Variants in ITIH4 observed in about 807,000 individuals in gnomAD.
ITIH4 encodes the protein inter-alpha-trypsin inhibitor heavy chain 4.
In ITIH4, 79 loss-of-function variants were observed where a neutral mutation model predicts 111.8. The ratio of observed to expected loss-of-function variants is 0.71; its 90% CI spans 0.59 to 0.85. ITIH4 has a LOEUF of 0.85. Ranked by LOEUF, ITIH4 falls within the 40% of genes least tolerant of loss-of-function variation. The pLI is 0.00. For synonymous variants in ITIH4, 472 were observed against 468.3 expected (o/e 1.01, Z -0.10); for missense variants, 1,065 against 1,195.8 (o/e 0.89, Z 1.61).
chr3:52,817,260 G>T (rs971335398), intron 20 of ITIH4, among the ~76,000 whole-genome samples: 1 of 152,210 alleles, frequency 6.6e-6, no homozygotes, highest in African/African-American at 2.4e-5. Flanking sequence ...GGTGTCTAAG[G>T]CTTTGGAGGG....
At chr3:52,829,358 C>G (rs1268523352) in intron 1 of ITIH4, 79 bp from the exon 2 acceptor site, 5 of 1,467,044 alleles carry the variant, frequency 3.4e-6, no homozygotes, top group Non-Finnish European at 4.6e-6. Context: ...AGAGTTGGCC[C>G]TGACTCTGGC....
intron 12 of ITIH4, 86 bp downstream of exon 12, chr3:52,820,905 C>G: frequency 6.4e-7 from 1 of 1,553,672 alleles, no homozygotes; most frequent in South Asian, 1.2e-5. Context: ...ATGCCAAGAC[C>G]CCCCTCTCTC....
intron 20 of ITIH4, among the ~76,000 whole-genome samples, chr3:52,817,790 C>T (rs765037057): frequency 2.6e-5 from 4 of 152,266 alleles, no homozygotes; most frequent in Admixed American, 6.5e-5. Flanking sequence ...CCCACCCTGG[C>T]TCCTCCTCTA....
At chr3:52,815,686 ATCT>A (rs1276426724) in intron 21 of ITIH4, among the ~76,000 whole-genome samples, 1 of 149,072 alleles carries the variant, frequency 6.7e-6, no homozygotes, top group East Asian at 2.0e-4. Flanking sequence ...GGAATTTTAG[ATCT>A]TTTTTTTTTT....
At position 52,826,888 on chromosome 3, in the gene ITIH4, G is replaced by T. The variant is rs200155353; in HGVS notation, c.422C>A (p.Thr141Asn). ...SVSVAPNAKI[T>N]FELVYEELLK... ...CAGCTCCTCATAGACCAGCTCAAAG[G>T]TGATCTTGGCATTGGGAGCCACACT... Residue 141 changes from threonine (T) to asparagine (N), a missense_variant, in exon 4 of 24, where the codon ACC (threonine) becomes AAC (asparagine). By Grantham distance (65) the Thr-to-Asn change is moderately conservative (BLOSUM62 0). Coordinates refer to ENST00000266041, the MANE Select transcript of ITIH4 (RefSeq NM_002218.5). The T allele has an allele frequency of 1.1e-4, 184 of 1,613,996 alleles. No homozygotes were observed. Among genetic ancestry groups the T allele is most frequent in the Non-Finnish European group, 2.3e-5 (27 of 1,180,042 alleles).
chr3:52,824,137 C>G lies in ITIH4; in HGVS notation c.1171+53G>C, dbSNP rs567583444. On this transcript the variant is annotated intron_variant, in intron 9 of 23. Coordinates refer to ENST00000266041, the MANE Select transcript of ITIH4 (RefSeq NM_002218.5). The surrounding 1 kb of genome is among the most constrained non-coding windows in gnomAD (Gnocchi z 4.3). Reference sequence around the variant, plus strand: ...ATCCCACAGCAAGCCCAGGTGCAGCCCCAGCCGCCTCCCCTGTGCAGCACG... The same window carrying G: ...ATCCCACAGCAAGCCCAGGTGCAGCGCCAGCCGCCTCCCCTGTGCAGCACG... The G allele has an allele frequency of 4.2e-5, 67 of 1,598,586 alleles. 1 individual carries two copies. In the South Asian group the frequency reaches 5.4e-4, roughly 13 times the overall value.
chr3:52,825,212 G>A (rs1345319361), intron 6 of ITIH4: 2 of 300,360 alleles, frequency 6.7e-6, no homozygotes, highest in South Asian at 2.5e-4. Context: ...TAGTATTTCA[G>A]ATGGTTTATA....
intron 20 of ITIH4, among the ~76,000 whole-genome samples, 160 bp downstream of exon 20, chr3:52,817,892 G>A (rs2154111233): frequency 6.6e-6 from 1 of 152,372 alleles, no homozygotes. Context: ...CGGGGTGTCT[G>A]TGTGAGTGTG....
At chr3:52,819,618 CTAT>C (rs1700340919) in intron 16 of ITIH4, 100 bp from the exon 17 acceptor site, 1 of 1,574,736 alleles carries the variant, frequency 6.4e-7, no homozygotes, top group Non-Finnish European at 8.7e-7. Context: ...GAGAGGGCAG[CTAT>C]GTCCCCTCTC....
Position 52,825,948 on chromosome 3 carries a change from G to A in ITIH4, c.697C>T (p.Leu233=), listed in dbSNP as rs1700473803. The change falls in exon 6 of 24, where the codon CTG becomes TTG. Residue 233 remains leucine (L), a synonymous_variant. Coordinates refer to ENST00000266041, the MANE Select transcript of ITIH4 (RefSeq NM_002218.5). ...QKSPEQQETV[L]DGNLIIRYDV... is the part of the protein sequence containing the mutation. Reference sequence around the variant, plus strand: ...TAGCGGATAATGAGGTTGCCGTCCAGGACTGTTTCTTGCTGCTCTGGGGAC... The same window carrying A: ...TAGCGGATAATGAGGTTGCCGTCCAAGACTGTTTCTTGCTGCTCTGGGGAC... The A allele has an allele frequency of 6.2e-7, 1 of 1,614,042 alleles. No individual in the cohort carries two copies. The highest frequency in any genetic ancestry group is 1.1e-5 in the South Asian group (1 of 91,088).
rs550957480 is a variant in ITIH4, at chr3:52,813,106, G to A, written c.*315C>T. 4.4e-4 allele frequency: 126 copies of A among 285,094 alleles called. No homozygotes were observed. The highest frequency in any genetic ancestry group is 2.6e-3 in the African/African-American group (117 of 45,482). 17.7% of individuals were successfully genotyped at this position (285,094 alleles called of 1,614,324 possible). On this transcript the variant is annotated 3_prime_UTR_variant, in exon 24 of 24. Coordinates refer to ENST00000266041, the MANE Select transcript of ITIH4 (RefSeq NM_002218.5). The stretch of plus-strand genomic sequence containing the variant: ...CAGTGACATCTCAAATGGGTGGTTC[G>A]AGCTCAGTTTCCTTGTTTGTAAAAT...
In ITIH4 at chr3:52,814,367, T is replaced by C; in HGVS notation, c.2472-4A>G. On this transcript the variant is annotated splice_region_variant and splice_polypyrimidine_tract_variant and intron_variant, in intron 21 of 23. Transcript: ENST00000266041. ...CTTGTCCATGGTCATCTTCAGGCTG[T>C]GGAAAGACCCAGTGTCTTGAGCAGG... is the stretch of plus-strand genomic sequence containing the variant. The C allele has an allele frequency of 6.2e-7, 1 of 1,613,676 alleles. No individual in the cohort carries two copies. The highest frequency in any genetic ancestry group is 8.5e-7 in the Non-Finnish European group (1 of 1,179,756).
Position 52,824,613 on chromosome 3 carries a change from G to A in ITIH4, c.877-48C>T. 6.4e-7 allele frequency: 1 copy of A among 1,568,158 alleles called. No individual in the cohort carries two copies. Among genetic ancestry groups the A allele is most frequent in the South Asian group, 1.1e-5 (1 of 87,024 alleles). On this transcript the variant is annotated intron_variant, in intron 7 of 23. Transcript: ENST00000266041. This position sits in a 1 kb window ranked among gnomAD's most constrained non-coding sequence, Gnocchi z 4.3. ...GGTGCTTCAGAAGGGCTCCCTGAGG[G>A]CTCGTGTGCCCTAGGGCTGGCATCC...
intron 20 of ITIH4, 117 bp from the exon 21 acceptor site, chr3:52,817,175 A>C (rs1484823935): frequency 3.9e-6 from 3 of 769,460 alleles, no homozygotes; most frequent in Non-Finnish European, 6.3e-6. Flanking sequence ...TCCCTCCCTC[A>C]TCAGGAGGGG....
At position 52,815,532 on chromosome 3, in the gene ITIH4, G is replaced by A. The variant is rs555283517; in HGVS notation, c.2472-1169C>T. ...GCTGGGATTACAGGCATGAGCCACCGTGCCCAACCTATTTTTCTTTATGTC... is the reference window on the plus strand; with the variant it reads ...GCTGGGATTACAGGCATGAGCCACCATGCCCAACCTATTTTTCTTTATGTC... On this transcript the variant is annotated intron_variant, in intron 21 of 23. Transcript: ENST00000266041. 6.4e-4 allele frequency among the ~76,000 whole-genome samples: 97 copies of A among 150,870 alleles called. 2 individuals carry two copies. In the South Asian group the frequency reaches 0.013, roughly 21 times the overall value.
intron 1 of ITIH4, chr3:52,830,130 G>A: frequency 2.9e-6 from 1 of 349,516 alleles, no homozygotes; most frequent in Admixed American, 4.0e-5. Context: ...AGATACAATG[G>A]GTTTGGTTTT....
In ITIH4 at chr3:52,829,615, G is replaced by A. The variant is rs572286191; in HGVS notation, c.91-336C>T. Among the ~76,000 whole-genome samples the A allele has an allele frequency of 5.3e-5, 8 of 152,342 alleles. No individual in the cohort carries two copies. In the East Asian group the frequency reaches 7.7e-4, roughly 15 times the overall value. ...GTGAAGCCAGGGCCAGTGTCTGGGA[G>A]GGGCATCACACTCAGCCTTTGGGCA... On this transcript the variant is annotated intron_variant, in intron 1 of 23. Coordinates refer to ENST00000266041, the MANE Select transcript of ITIH4 (RefSeq NM_002218.5).
chr3:52,825,928 G>C lies in ITIH4; in HGVS notation c.717C>G (p.Ile239Met). The C allele has an allele frequency of 6.2e-7, 1 of 1,614,166 alleles. No homozygotes were observed. The highest frequency in any genetic ancestry group is 1.7e-5 in the Admixed American group (1 of 60,022). Residue 239 changes from isoleucine to methionine, a missense_variant, in exon 6 of 24, where the codon ATC becomes ATG. Physicochemically the swap from Ile to Met is conservative, Grantham distance 10. Coordinates refer to ENST00000266041, the MANE Select transcript of ITIH4 (RefSeq NM_002218.5). ...QETVLDGNLI[I>M]RYDVDRAISG... ...AGATGGCCCGGTCCACATCATAGCG[G>C]ATAATGAGGTTGCCGTCCAGGACTG...
rs555872419 is a variant in ITIH4 at position 52,820,907 on chromosome 3, C to A, written c.1679+84G>T. 7.1e-5 allele frequency: 110 copies of A among 1,556,342 alleles called. 1 individual carries two copies. In the South Asian group the frequency reaches 1.3e-3, roughly 18 times the overall value. ...GAGCTTGGACATGATGCCAAGACCC[C>A]CCTCTCTCCATGCTTAGGCGCTGTA... On this transcript the variant is annotated intron_variant, in intron 12 of 23. Transcript: ENST00000266041.
Sources: allele counts gnomAD v4.1 joint callset (sites outside exome capture counted in the v4.1 genomes callset), GRCh38; gene constraint gnomAD v4.1.1; non-coding constraint Gnocchi (gnomAD v3.1); transcripts MANE v1.5; gene names NCBI Gene and HGNC (gene_info 2026-07-23, HGNC 2026-07-21).